CBFA2T2: variants seen among roughly 807,000 people sequenced by gnomAD.
CBFA2T2 encodes CBFA2/RUNX1 partner transcriptional co-repressor 2, also known as protein CBFA2T2.
Under a neutral mutation model 62.2 loss-of-function variants are expected in CBFA2T2, and 11 were observed. The observed-to-expected ratio is 0.18, with a 90% confidence interval of 0.11 to 0.29. The LOEUF (loss-of-function observed/expected upper bound fraction) is 0.29, where lower values mean the gene tolerates loss of function less well. CBFA2T2 is among the 10% of genes least tolerant of loss of function. The pLI is 1.00. For missense variants in CBFA2T2, 592 were observed against 774.1 expected, an observed-to-expected ratio of 0.76 and a Z score of 2.79; for synonymous variants, 295 against 287.5, an observed-to-expected ratio of 1.03 and a Z score of -0.27.
At position 33,579,115 on chromosome 20, in the gene CBFA2T2, G is replaced by GTTT. The variant is rs533821689; in HGVS notation, c.35-27828_35-27826dup. ...TTGGTTTTTTTGGGGGTTTTTTTTT[G>GTTT]TTTTTTTTTTTTTTTAAGGAAAGCG... On this transcript the variant is annotated intron_variant, in intron 1 of 10. Coordinates refer to ENST00000342704, the MANE Select transcript of CBFA2T2 (RefSeq NM_001032999.3). 9.6e-3 allele frequency among the ~76,000 whole-genome samples: 1,235 copies of GTTT among 128,228 alleles called. 13 individuals are homozygous for GTTT. Among genetic ancestry groups the GTTT allele is most frequent in the African/African-American group, 0.033 (1,166 of 35,738 alleles). 84.1% of individuals were successfully genotyped at this position (128,228 alleles called of 152,430 possible).
intron 1 of CBFA2T2, among the ~76,000 whole-genome samples, chr20:33,606,101 G>C (rs2015330101): frequency 6.6e-6 from 1 of 152,148 alleles, no homozygotes; most frequent in South Asian, 2.1e-4. Flanking sequence ...TTACAGGCAT[G>C]AGCCACCGTG....
chr20:33,567,183 C>A (rs1241091091), intron 1 of CBFA2T2, among the ~76,000 whole-genome samples: 1 of 152,180 alleles, frequency 6.6e-6, no homozygotes, highest in Non-Finnish European at 1.5e-5. Flanking sequence ...ATTTAAAATG[C>A]ATATGGATTT....
intron 1 of CBFA2T2, among the ~76,000 whole-genome samples, chr20:33,495,196 G>A (rs1217453040): frequency 6.6e-6 from 1 of 151,230 alleles, no homozygotes; most frequent in Non-Finnish European, 1.5e-5. Context: ...CAGGAGTTTT[G>A]AGACCAGCAT....
chr20:33,562,373 A>C, intron 1 of CBFA2T2: 1 of 985,928 alleles, frequency 1.0e-6, no homozygotes, highest in Non-Finnish European at 1.2e-6. Context: ...AGGGAGGGAG[A>C]AAAAGAGAGA....
chr20:33,544,975 T>TAGAACAGAACAGAAC (rs1568810874), intron 1 of CBFA2T2, among the ~76,000 whole-genome samples: 1 of 135,522 alleles, frequency 7.4e-6, no homozygotes, highest in African/African-American at 3.5e-5. Context: ...TAGAATAGAA[T>TAGAACAGAACAGAAC]AGAATAGAAT....
intron 1 of CBFA2T2, among the ~76,000 whole-genome samples, chr20:33,597,473 G>A (rs998860149): frequency 6.6e-6 from 1 of 152,162 alleles, no homozygotes; most frequent in African/African-American, 2.4e-5. Flanking sequence ...GTTAGGAACC[G>A]TGTGGCACAG....
chr20:33,606,547 A>C (rs1488157495), intron 1 of CBFA2T2, among the ~76,000 whole-genome samples: 1 of 151,416 alleles, frequency 6.6e-6, no homozygotes, highest in Admixed American at 6.6e-5. Flanking sequence ...GGTTGCTGGC[A>C]CTCCTTGGCA....
intron 1 of CBFA2T2, among the ~76,000 whole-genome samples, chr20:33,547,680 CAA>C (rs1390272090): frequency 7.4e-6 from 1 of 135,400 alleles, no homozygotes; most frequent in Non-Finnish European, 1.6e-5. Flanking sequence ...GACCCTGTCT[CAA>C]AAAAATGTGT....
chr20:33,542,215 G>A (rs996376431), intron 1 of CBFA2T2, among the ~76,000 whole-genome samples: 1 of 152,164 alleles, frequency 6.6e-6, no homozygotes, highest in African/African-American at 2.4e-5. Flanking sequence ...GTGGTTTACA[G>A]CATCTAGCCT....
At chr20:33,506,407 A>G (rs765911450) in intron 1 of CBFA2T2, among the ~76,000 whole-genome samples, 1 of 152,204 alleles carries the variant, frequency 6.6e-6, no homozygotes, top group Non-Finnish European at 1.5e-5. Flanking sequence ...ACATAAATAC[A>G]TTGAAAAAAA....
At chr20:33,644,287 A>G in intron 10 of CBFA2T2, 60 bp from the exon 11 acceptor site, 1 of 1,558,874 alleles carries the variant, frequency 6.4e-7, no homozygotes, top group Non-Finnish European at 8.7e-7. Flanking sequence ...TGTGCAGGGA[A>G]TGAATGGCAA....
intron 1 of CBFA2T2, among the ~76,000 whole-genome samples, chr20:33,510,423 G>C (rs1407316083): frequency 6.6e-6 from 1 of 151,888 alleles, no homozygotes; most frequent in Non-Finnish European, 1.5e-5. Flanking sequence ...TTGTTAGCCA[G>C]GATGGTCTCA....
chr20:33,613,263 G>C (rs2015591781), intron 3 of CBFA2T2, among the ~76,000 whole-genome samples: 1 of 152,176 alleles, frequency 6.6e-6, no homozygotes, highest in African/African-American at 2.4e-5. Context: ...TGGGTTATCT[G>C]ACATTTAAGT....
At chr20:33,640,259 G>C in intron 9 of CBFA2T2, 82 bp from the exon 10 acceptor site, 1 of 1,261,882 alleles carries the variant, frequency 7.9e-7, no homozygotes, top group South Asian at 1.4e-5. Flanking sequence ...CTTTGTGTCA[G>C]CTCTCTCCTT....
intron 1 of CBFA2T2, among the ~76,000 whole-genome samples, chr20:33,567,916 A>G (rs1358362895): frequency 1.3e-5 from 2 of 152,120 alleles, no homozygotes; most frequent in African/African-American, 4.8e-5. Flanking sequence ...GTATGTATGT[A>G]TAGGAGAAAA....
In CBFA2T2 at chr20:33,607,013, A is replaced by G; in HGVS notation, c.92A>G (p.Gln31Arg). 1 of 1,613,874 alleles carries G rather than the reference A, an allele frequency of 6.2e-7. No homozygotes were observed. The highest frequency in any genetic ancestry group is 2.2e-5 in the East Asian group (1 of 44,872). Residue 31 changes from glutamine to arginine, a missense_variant, in exon 2 of 11, where the codon CAG becomes CGG. By Grantham distance (43) the Gln-to-Arg change is conservative. Around this residue, in one of 3 missense-constraint regions of CBFA2T2, gnomAD observed 449 missense variants for 551.2 expected, o/e 0.81. Coordinates refer to ENST00000342704, the MANE Select transcript of CBFA2T2 (RefSeq NM_001032999.3). ...GGATCGCCTGTGGAAGTGAAGATAC[A>G]GTCCAGATCCTCACCTCCCACCATG... ...MPGSPVEVKI[Q>R]SRSSPPTMPP... is the part of the protein sequence containing the mutation.
chr20:33,538,228 AT>A (rs1284661674), intron 1 of CBFA2T2, among the ~76,000 whole-genome samples: 3 of 151,506 alleles, frequency 2.0e-5, no homozygotes, highest in African/African-American at 7.3e-5. Context: ...TACTGTTTTA[AT>A]TTTTTCAGAA....
chr20:33,568,391 G>A (rs1333179692), intron 1 of CBFA2T2, among the ~76,000 whole-genome samples: 1 of 152,172 alleles, frequency 6.6e-6, no homozygotes, highest in Non-Finnish European at 1.5e-5. Flanking sequence ...CATGGGAGAA[G>A]GGTGCGTGTA....
At position 33,564,026 on chromosome 20, in the gene CBFA2T2, T is replaced by TC. The variant is rs533255637; in HGVS notation, c.35-42924dup. The stretch of plus-strand genomic sequence containing the variant: ...TTTGTGACGACACTGTTGAAATTGT[T>TC]CCCCCCACTCCGCGACCTCCCGCTG... On this transcript the variant is annotated intron_variant, in intron 1 of 10. Coordinates refer to ENST00000342704, the MANE Select transcript of CBFA2T2 (RefSeq NM_001032999.3). Among the ~76,000 whole-genome samples the TC allele has an allele frequency of 8.0e-3, 1,212 of 152,192 alleles. 11 individuals are homozygous for TC. Among genetic ancestry groups the TC allele is most frequent in the Non-Finnish European group, 0.011 (721 of 68,000 alleles).
Sources: allele counts gnomAD v4.1 joint callset (sites outside exome capture counted in the v4.1 genomes callset), GRCh38; gene constraint gnomAD v4.1.1; regional missense constraint gnomAD v4.1.1; transcripts MANE v1.5; gene names NCBI Gene and HGNC (gene_info 2026-07-23, HGNC 2026-07-21).